The following KCNH8 variants were observed in gnomAD, a reference collection of about 807,000 sequenced individuals.
KCNH8 encodes the protein potassium voltage-gated channel subfamily H member 8.
In KCNH8, 70 loss-of-function variants were observed where a neutral mutation model predicts 103.6. The observed-to-expected ratio is 0.68, with a 90% CI of 0.56 to 0.82. The LOEUF is 0.82. Among genes scored for constraint, KCNH8 ranks in the 40% least tolerant of loss-of-function variants. KCNH8 has a pLI of 0.00. For missense variants in KCNH8, 1,217 were observed against 1,329.9 expected (o/e 0.92, Z 1.32); for synonymous variants, 498 against 489.4 (o/e 1.02, Z -0.23).
intron 3 of KCNH8, among the ~76,000 whole-genome samples, chr3:19,289,242 T>G (rs1488421545): frequency 6.6e-6 from 1 of 152,048 alleles, no homozygotes; most frequent in African/African-American, 2.4e-5. Flanking sequence ...TAGATCCCAT[T>G]TGTCAATTTT....
chr3:19,533,480 A>G lies in KCNH8; in HGVS notation c.2705A>G (p.Gln902Arg). Reference sequence around the variant, plus strand: ...CTTCTGGAAAACGTTCTGTCACCTCAGCAGCCATCACGGTTTTGCTCTTTG... The same window carrying G: ...CTTCTGGAAAACGTTCTGTCACCTCGGCAGCCATCACGGTTTTGCTCTTTG... ...IQLLENVLSP[Q>R]QPSRFCSLHS... Residue 902 changes from glutamine to arginine, a missense_variant, in exon 16 of 16, where the codon CAG becomes CGG. Transcript: ENST00000328405. 1 of 1,614,204 alleles carries G rather than the reference A, an allele frequency of 6.2e-7. No individual in the cohort carries two copies. The highest frequency in any genetic ancestry group is 1.1e-5 in the South Asian group (1 of 91,086).
intron 1 of KCNH8, among the ~76,000 whole-genome samples, chr3:19,206,168 G>GTGTATATATA (rs979868166): frequency 3.3e-4 from 46 of 139,248 alleles, no homozygotes; most frequent in African/African-American, 1.3e-3. Context: ...TGGTGTGTGT[G>GTGTATATATA]TATATATATA....
intron 1 of KCNH8, among the ~76,000 whole-genome samples, chr3:19,169,296 T>C (rs1349797815): frequency 6.6e-6 from 1 of 150,530 alleles, no homozygotes; most frequent in African/African-American, 2.5e-5. Context: ...TCTCGCTCTT[T>C]CGCCCAGGCT....
chr3:19,421,015 GAAGA>G (rs528234367), intron 7 of KCNH8, among the ~76,000 whole-genome samples: 5 of 152,204 alleles, frequency 3.3e-5, no homozygotes, highest in African/African-American at 7.2e-5. Context: ...AGAAAAGAAA[GAAGA>G]AAGAACTGCA....
chr3:19,439,340 A>C (rs17005967), intron 8 of KCNH8, among the ~76,000 whole-genome samples: 5,768 of 152,304 alleles, frequency 0.038, 309 homozygotes, highest in East Asian at 0.26. Flanking sequence ...TAAAGCCAGT[A>C]AGTTCAATAT....
chr3:19,206,263 A>C (rs189472630), intron 1 of KCNH8, among the ~76,000 whole-genome samples: 1,471 of 134,890 alleles, frequency 0.011, 21 homozygotes, highest in African/African-American at 0.033. Flanking sequence ...AGATATATAT[A>C]TATCTATCTA....
intron 11 of KCNH8, among the ~76,000 whole-genome samples, chr3:19,477,899 G>A (rs920215263): frequency 6.6e-6 from 1 of 151,952 alleles, no homozygotes; most frequent in Non-Finnish European, 1.5e-5. Context: ...TACTCAATAA[G>A]TAATTTTTCA....
intron 10 of KCNH8, among the ~76,000 whole-genome samples, chr3:19,453,884 G>A (rs528363962): frequency 6.6e-6 from 1 of 152,190 alleles, no homozygotes; most frequent in African/African-American, 2.4e-5. Flanking sequence ...CAAAATTAAA[G>A]GTGAAGAGAT....
intron 3 of KCNH8, among the ~76,000 whole-genome samples, chr3:19,282,658 T>C (rs1206071336): frequency 6.6e-6 from 1 of 152,188 alleles, no homozygotes; most frequent in Non-Finnish European, 1.5e-5. Flanking sequence ...CCATGCCTAA[T>C]GGTTTTATAC....
At chr3:19,277,930 A>G (rs1700562045) in intron 2 of KCNH8, among the ~76,000 whole-genome samples, 1 of 151,920 alleles carries the variant, frequency 6.6e-6, no homozygotes, top group African/African-American at 2.4e-5. Flanking sequence ...CTGCCCTCTG[A>G]CTCTGCTCTT....
chr3:19,176,511 CT>C (rs2125198121), intron 1 of KCNH8, among the ~76,000 whole-genome samples: 1 of 151,986 alleles, frequency 6.6e-6, no homozygotes, highest in East Asian at 1.9e-4. Flanking sequence ...AAGACACATT[CT>C]TTTTTCCTAA....
At chr3:19,373,711 T>A (rs2066141883) in intron 5 of KCNH8, among the ~76,000 whole-genome samples, 1 of 151,886 alleles carries the variant, frequency 6.6e-6, no homozygotes, top group Admixed American at 6.6e-5. Flanking sequence ...AGGGTGTCAA[T>A]TTTGGATCTT....
At chr3:19,499,307 C>T (rs1183372899) in intron 11 of KCNH8, among the ~76,000 whole-genome samples, 4 of 152,264 alleles carry the variant, frequency 2.6e-5, no homozygotes, top group South Asian at 2.1e-4. Flanking sequence ...ACCAAATCTA[C>T]GTCTGATTGA....
At chr3:19,507,622 C>T (rs919930318) in intron 11 of KCNH8, among the ~76,000 whole-genome samples, 4 of 152,146 alleles carry the variant, frequency 2.6e-5, no homozygotes, top group African/African-American at 9.7e-5. Context: ...CTCCAACTGA[C>T]ATGTTCAGGT....
At chr3:19,279,431 C>T (rs1179341670) in intron 2 of KCNH8, among the ~76,000 whole-genome samples, 4 of 151,930 alleles carry the variant, frequency 2.6e-5, no homozygotes, top group Non-Finnish European at 5.9e-5. Flanking sequence ...AATCGACTTC[C>T]CTATCGTTTC....
chr3:19,404,234 T>C (rs1239169257), intron 7 of KCNH8, among the ~76,000 whole-genome samples: 2 of 151,928 alleles, frequency 1.3e-5, no homozygotes, highest in Non-Finnish European at 2.9e-5. Context: ...TAAATTTAGA[T>C]TGGCACTGCT....
chr3:19,335,475 A>ATGTG (rs2065571566), intron 3 of KCNH8, among the ~76,000 whole-genome samples: 1 of 66,940 alleles, frequency 1.5e-5, no homozygotes, highest in African/African-American at 8.0e-5. Context: ...GTGTATATAT[A>ATGTG]TGTGTGTGTA....
chr3:19,302,345 C>T (rs918253678), intron 3 of KCNH8, among the ~76,000 whole-genome samples: 3 of 152,104 alleles, frequency 2.0e-5, no homozygotes, highest in Admixed American at 2.0e-4. Context: ...GAGAGGAAGA[C>T]CAAATATATA....
chr3:19,470,354 C>T (rs991589135), intron 11 of KCNH8, among the ~76,000 whole-genome samples: 2 of 152,204 alleles, frequency 1.3e-5, no homozygotes. Context: ...CTGTTTCTTA[C>T]TTTTCCTTTT....
Sources: allele counts gnomAD v4.1 joint callset (sites outside exome capture counted in the v4.1 genomes callset), GRCh38; gene constraint gnomAD v4.1.1; transcripts MANE v1.5; gene names NCBI Gene and HGNC (gene_info 2026-07-23, HGNC 2026-07-21).